The following C1QTNF3 variants were observed in gnomAD, a reference collection of about 807,000 sequenced individuals.
C1QTNF3 encodes complement C1q tumor necrosis factor-related protein 3.
Under a neutral mutation model 32.6 loss-of-function variants are expected in C1QTNF3, and 26 were observed. The ratio of observed to expected loss-of-function variants is 0.80; its 90% confidence interval spans 0.58 to 1.11. The LOEUF (loss-of-function observed/expected upper bound fraction) is 1.11. Among genes scored for constraint, C1QTNF3 ranks in the 50% least tolerant of loss-of-function variants. The pLI is 0.00. For synonymous variants in C1QTNF3, 155 were observed against 146.0 expected (o/e 1.06, Z -0.44); for missense variants, 362 against 398.2 (o/e 0.91, Z 0.77).
chr5:34,076,715 T>C, the C1QTNF3 span, among the ~76,000 whole-genome samples: 1 of 151,684 alleles, frequency 6.6e-6, no homozygotes, highest in Non-Finnish European at 1.5e-5. Context: ...ACATTTGTCT[T>C]GGTAATAAAA....
the C1QTNF3 span, among the ~76,000 whole-genome samples, chr5:34,123,871 G>A: frequency 4.1e-4 from 62 of 152,236 alleles, no homozygotes; most frequent in African/African-American, 1.4e-3. Flanking sequence ...GCGAGTGTAT[G>A]TGTTTAATTT....
the C1QTNF3 span, among the ~76,000 whole-genome samples, chr5:34,174,458 G>A: frequency 6.6e-6 from 1 of 152,182 alleles, no homozygotes; most frequent in Non-Finnish European, 1.5e-5. Context: ...GCAGAGAAGA[G>A]TTTCTTGTTC....
chr5:34,124,243 A>C, the C1QTNF3 span: 1 of 487,744 alleles, frequency 2.1e-6, no homozygotes, highest in Non-Finnish European at 3.7e-6. Context: ...GATCCCTGGA[A>C]AGCTGGTAAA....
At chr5:34,145,342 A>C in the C1QTNF3 span, among the ~76,000 whole-genome samples, 27 of 152,084 alleles carry the variant, frequency 1.8e-4, no homozygotes, top group Non-Finnish European at 3.1e-4. Context: ...TCAGAAATAC[A>C]AAACATCTCA....
chr5:34,198,182 C>A, the C1QTNF3 span, among the ~76,000 whole-genome samples: 2 of 144,908 alleles, frequency 1.4e-5, no homozygotes, highest in Admixed American at 6.8e-5. Flanking sequence ...GCAGACGTTG[C>A]AGTGAGCTGA....
the C1QTNF3 span, among the ~76,000 whole-genome samples, chr5:34,132,886 CATA>C: frequency 6.6e-6 from 1 of 152,086 alleles, no homozygotes; most frequent in Non-Finnish European, 1.5e-5. Context: ...GGCTGAGAAT[CATA>C]ATGAGACACA....
the C1QTNF3 span, among the ~76,000 whole-genome samples, chr5:34,099,203 G>T: frequency 1.3e-5 from 2 of 152,008 alleles, no homozygotes; most frequent in African/African-American, 4.8e-5. Context: ...AAGTAAATTA[G>T]ACTGTTATTA....
chr5:34,094,399 T>C, the C1QTNF3 span, among the ~76,000 whole-genome samples: 5 of 152,122 alleles, frequency 3.3e-5, no homozygotes, highest in Non-Finnish European at 5.9e-5. Context: ...ATAAACTGAA[T>C]AGAATGTCTT....
chr5:34,237,149 A>G, the C1QTNF3 span, among the ~76,000 whole-genome samples: 8 of 152,204 alleles, frequency 5.3e-5, no homozygotes, highest in Admixed American at 3.9e-4. Context: ...AAGAGGTTAC[A>G]TAAAGGTAAG....
chr5:34,172,010 G>A, the C1QTNF3 span, among the ~76,000 whole-genome samples: 1 of 152,090 alleles, frequency 6.6e-6, no homozygotes, highest in Admixed American at 6.6e-5. Flanking sequence ...ATGAGATGTT[G>A]TCAAATGTTA....
the C1QTNF3 span, among the ~76,000 whole-genome samples, chr5:34,178,380 T>A: frequency 6.6e-6 from 1 of 152,186 alleles, no homozygotes; most frequent in African/African-American, 2.4e-5. Context: ...TGCAGAAGTG[T>A]CATTCTGTAA....
chr5:34,029,292 C>T (rs1023003305), intron 3 of C1QTNF3, among the ~76,000 whole-genome samples: 8 of 151,982 alleles, frequency 5.3e-5, no homozygotes, highest in African/African-American at 1.9e-4. Flanking sequence ...CGAAAAGATA[C>T]CTATTAATTT....
Position 34,020,279 on chromosome 5 carries a change from C to A in C1QTNF3, c.*304G>T. On this transcript the variant is annotated 3_prime_UTR_variant, in exon 6 of 6. Coordinates refer to ENST00000382065, the MANE Select transcript of C1QTNF3 (RefSeq NM_181435.6). ...AGTCAAAATTCTTTGCAAATGACTT[C>A]TGTGATAGAAAAAAATATTTCCAAC... 1 of 253,072 alleles carries A rather than the reference C, an allele frequency of 4.0e-6. No homozygotes were observed. The highest frequency in any genetic ancestry group is 7.6e-6 in the Non-Finnish European group (1 of 131,304). 15.7% of individuals were successfully genotyped at this position (253,072 alleles called of 1,614,324 possible).
chr5:34,176,598 T>A, the C1QTNF3 span, among the ~76,000 whole-genome samples: 17 of 152,278 alleles, frequency 1.1e-4, no homozygotes, highest in Admixed American at 2.6e-4. Flanking sequence ...AAATACGTCT[T>A]TAGGTCAGGT....
chr5:34,091,651 G>A, the C1QTNF3 span, among the ~76,000 whole-genome samples: 1 of 152,210 alleles, frequency 6.6e-6, no homozygotes. Flanking sequence ...TGCAACACCA[G>A]ATGCTAGTGT....
chr5:34,042,748 A>C (rs1475961462), intron 1 of C1QTNF3, 75 bp downstream of exon 1: 1 of 1,423,874 alleles, frequency 7.0e-7, no homozygotes, highest in Non-Finnish European at 9.5e-7. Flanking sequence ...TAGCCAAAAA[A>C]AGAACAACAA....
the C1QTNF3 span, among the ~76,000 whole-genome samples, chr5:34,162,630 T>C: frequency 5.1e-4 from 78 of 152,292 alleles, no homozygotes; most frequent in African/African-American, 1.8e-3. Flanking sequence ...TCTCTTTATG[T>C]ATCAGTGAAG....
At chr5:34,237,954 T>C in the C1QTNF3 span, among the ~76,000 whole-genome samples, 1 of 152,214 alleles carries the variant, frequency 6.6e-6, no homozygotes, top group Non-Finnish European at 1.5e-5. Flanking sequence ...CCACTGGGTA[T>C]TAGGCTAGCC....
the C1QTNF3 span, among the ~76,000 whole-genome samples, chr5:34,131,032 T>C: frequency 6.6e-6 from 1 of 152,390 alleles, no homozygotes; most frequent in South Asian, 2.1e-4. Context: ...ATCCTTGCCC[T>C]AGGCCTTAAG....
Sources: allele counts gnomAD v4.1 joint callset (sites outside exome capture counted in the v4.1 genomes callset), GRCh38; gene constraint gnomAD v4.1.1; transcripts MANE v1.5; gene names NCBI Gene and HGNC (gene_info 2026-07-23, HGNC 2026-07-21).